Variants in RGS21 observed in about 807,000 individuals in gnomAD.
RGS21 encodes the protein regulator of G-protein signalling 21.
A neutral mutation model predicts 18.7 loss-of-function variants in RGS21; 19 were observed. The ratio of observed to expected loss-of-function variants is 1.01; its 90% CI spans 0.71 to 1.49. The LOEUF is 1.49. Among genes scored for constraint, RGS21 ranks in the 40% most tolerant of loss-of-function variants. RGS21 has a pLI of 0.00. For synonymous variants in RGS21, 56 were observed against 57.8 expected (o/e 0.97, Z 0.14); for missense variants, 194 against 176.8 (o/e 1.10, Z -0.55).
chr1:192,328,419 A>G (rs996229826), intron 1 of RGS21, among the ~76,000 whole-genome samples: 3 of 152,210 alleles, frequency 2.0e-5, no homozygotes, highest in Non-Finnish European at 4.4e-5. Flanking sequence ...TAGTAATTGA[A>G]TTAATAATTT....
chr1:192,344,799 G>C (rs1241981413), intron 2 of RGS21, among the ~76,000 whole-genome samples: 1 of 152,046 alleles, frequency 6.6e-6, no homozygotes, highest in Non-Finnish European at 1.5e-5. Flanking sequence ...TGAGCTGAGG[G>C]TATTCCAGGC....
intron 3 of RGS21, among the ~76,000 whole-genome samples, chr1:192,349,352 G>T (rs1557979713): frequency 6.6e-6 from 1 of 152,148 alleles, no homozygotes; most frequent in Non-Finnish European, 1.5e-5. Context: ...CCAGAGAAAT[G>T]GCAATAGTAT....
chr1:192,354,108 A>G (rs759181307), intron 4 of RGS21, among the ~76,000 whole-genome samples: 1 of 151,730 alleles, frequency 6.6e-6, no homozygotes, highest in Non-Finnish European at 1.5e-5. Context: ...TCTATAGTTC[A>G]TCAGTTATGT....
chr1:192,362,632 T>C (rs758228720), intron 4 of RGS21, among the ~76,000 whole-genome samples: 9 of 152,304 alleles, frequency 5.9e-5, no homozygotes, highest in Non-Finnish European at 8.8e-5. Flanking sequence ...ACTGATCATC[T>C]CCTGAGAACA....
chr1:192,353,779 G>C (rs1319785670), intron 4 of RGS21, among the ~76,000 whole-genome samples: 1 of 150,916 alleles, frequency 6.6e-6, no homozygotes, highest in Non-Finnish European at 1.5e-5. Context: ...TATTATTTTG[G>C]GATATAAAAC....
In RGS21 at chr1:192,352,031, C is replaced by T. The variant is rs1394620176; in HGVS notation, c.89-16C>T. The T allele has an allele frequency of 1.3e-6, 2 of 1,524,104 alleles. No individual in the cohort carries two copies. 94.4% of individuals were successfully genotyped at this position (1,524,104 alleles called of 1,614,324 possible). A position where few individuals can be genotyped will look rare whatever the true frequency, so the allele number is the denominator to read the frequency against. On this transcript the variant is annotated splice_polypyrimidine_tract_variant and intron_variant, in intron 3 of 4. Transcript: ENST00000417209. ...TGTATGCTATTATACAAAACTTTTT[C>T]TCATATATTTTATAGCTGGTCTAGA...
At chr1:192,349,323 T>C (rs1659000372) in intron 3 of RGS21, among the ~76,000 whole-genome samples, 3 of 152,190 alleles carry the variant, frequency 2.0e-5, no homozygotes, top group Admixed American at 2.0e-4. Context: ...AACAGTTGTT[T>C]GGTTTGCTTT....
chr1:192,361,708 G>C (rs1659189898), intron 4 of RGS21, among the ~76,000 whole-genome samples: 1 of 151,950 alleles, frequency 6.6e-6, no homozygotes, highest in African/African-American at 2.4e-5. Flanking sequence ...ACCACGCCTG[G>C]CTAATTTTTA....
chr1:192,334,951 C>T (rs1309291822), intron 1 of RGS21, among the ~76,000 whole-genome samples: 3 of 152,020 alleles, frequency 2.0e-5, no homozygotes, highest in African/African-American at 7.2e-5. Flanking sequence ...TGCACAAATC[C>T]TCTTTTTAAC....
chr1:192,320,082 C>G (rs901393128), intron 1 of RGS21, among the ~76,000 whole-genome samples: 3 of 151,904 alleles, frequency 2.0e-5, no homozygotes, highest in African/African-American at 7.3e-5. Flanking sequence ...ACCGCAATAC[C>G]AGATGAAAGA....
At chr1:192,339,897 C>A (rs1184125865) in intron 1 of RGS21, among the ~76,000 whole-genome samples, 2 of 126,682 alleles carry the variant, frequency 1.6e-5, no homozygotes, top group Non-Finnish European at 3.2e-5. Flanking sequence ...CTGCTAAATC[C>A]CCTTTACTTT....
At chr1:192,359,186 T>A in intron 4 of RGS21, among the ~76,000 whole-genome samples, 1 of 152,118 alleles carries the variant, frequency 6.6e-6, no homozygotes, top group East Asian at 1.9e-4. Flanking sequence ...ACAAACATAA[T>A]ATTGAAAGTC....
At chr1:192,345,231 AT>A (rs1445120265) in intron 2 of RGS21, among the ~76,000 whole-genome samples, 2 of 152,114 alleles carry the variant, frequency 1.3e-5, no homozygotes, top group Admixed American at 6.6e-5. Context: ...GCCTTCTAGA[AT>A]GGATGTCAGC....
intron 1 of RGS21, among the ~76,000 whole-genome samples, chr1:192,332,483 T>C (rs1361994769): frequency 1.3e-5 from 2 of 152,206 alleles, no homozygotes; most frequent in Non-Finnish European, 2.9e-5. Flanking sequence ...AATCATAGAT[T>C]TAAATGTAAC....
At chr1:192,346,275 C>T (rs1658942935) in intron 2 of RGS21, among the ~76,000 whole-genome samples, 1 of 151,996 alleles carries the variant, frequency 6.6e-6, no homozygotes, top group South Asian at 2.1e-4. Context: ...ATAAAAACTG[C>T]AGCAAATTAC....
chr1:192,361,446 A>T lies in RGS21; in HGVS notation c.256-4475A>T, dbSNP rs2102238585. 2.0e-5 allele frequency among the ~76,000 whole-genome samples: 3 copies of T among 152,318 alleles called. No individual in the cohort carries two copies. In the South Asian group the frequency reaches 6.2e-4, roughly 32 times the overall value. ...TTAATTCCACTTCACGAACTATTGA[A>T]TCCATCTGTAGTGACAAATCTTTCT... On this transcript the variant is annotated intron_variant, in intron 4 of 4. Coordinates refer to ENST00000417209, the MANE Select transcript of RGS21 (RefSeq NM_001039152.3).
intron 4 of RGS21, among the ~76,000 whole-genome samples, chr1:192,361,953 G>T (rs1322522072): frequency 6.6e-6 from 1 of 152,044 alleles, no homozygotes; most frequent in Admixed American, 6.6e-5. Flanking sequence ...TCAACTTAAG[G>T]TAAATGATAA....
rs371133140 is a variant in RGS21, at chr1:192,356,391, G to A, written c.255+4178G>A. On this transcript the variant is annotated intron_variant, in intron 4 of 4. Coordinates refer to ENST00000417209, the MANE Select transcript of RGS21 (RefSeq NM_001039152.3). ...GCTGTGTTAGGCAGCTCTCCATAAC[G>A]AAATGTAAGAAAATAAATAGAAACT... Among the ~76,000 whole-genome samples, 91 of 151,838 alleles carry A rather than the reference G, an allele frequency of 6.0e-4. 1 individual carries two copies. The highest frequency in any genetic ancestry group is 2.0e-3 in the African/African-American group (85 of 41,510).
intron 4 of RGS21, among the ~76,000 whole-genome samples, chr1:192,360,014 T>C (rs1659165364): frequency 6.6e-6 from 1 of 151,908 alleles, no homozygotes; most frequent in African/African-American, 2.4e-5. Flanking sequence ...CCCCTACTGA[T>C]TGCCCTTTCA....
Sources: gnomAD v4.1 joint callset for allele counts (sites outside exome capture counted in the v4.1 genomes callset) on GRCh38, gnomAD v4.1.1 for gene constraint, MANE v1.5 for transcripts, NCBI Gene and HGNC (gene_info 2026-07-23, HGNC 2026-07-21) for gene names.